MASP1: variants seen among roughly 807,000 people sequenced by gnomAD.
The protein encoded by MASP1 is mannan-binding lectin serine protease 1.
MASP1 carries 59 observed loss-of-function variants against 77.1 expected under a neutral mutation model. The ratio of observed to expected loss-of-function variants is 0.77; its 90% CI spans 0.62 to 0.95. The LOEUF (loss-of-function observed/expected upper bound fraction) is 0.95, where lower values mean the gene tolerates loss of function less well. Ranked by LOEUF, MASP1 falls within the 40% of genes least tolerant of loss-of-function variation. MASP1 has a pLI of 0.00. For missense variants in MASP1, 885 were observed against 912.9 expected (o/e 0.97, Z 0.39); for synonymous variants, 362 against 354.5 (o/e 1.02, Z -0.24).
Position 187,235,931 on chromosome 3 carries a change from A to T in MASP1, c.1940T>A (p.Met647Lys). ...RSGNYSVTEN[M>K]FCAGYYEGGK... ...GCCCTCGTAGTAGCCAGCACAGAAC[A>T]TGTTCTCCGTGACGCTGTAATTGCC... The change falls in exon 11 of 11, where the codon ATG becomes AAG. Residue 647 changes from methionine (M) to lysine (K), a missense_variant. Met to Lys is a moderately conservative substitution (Grantham distance 95). Coordinates refer to ENST00000296280, the MANE Select transcript of MASP1 (RefSeq NM_139125.4). 1 of 1,614,174 alleles carries T rather than the reference A, an allele frequency of 6.2e-7. No homozygotes were observed. Among genetic ancestry groups the T allele is most frequent in the Non-Finnish European group, 8.5e-7 (1 of 1,180,034 alleles).
At chr3:187,257,544 C>G (rs1351031638) in intron 4 of MASP1, among the ~76,000 whole-genome samples, 1 of 152,076 alleles carries the variant, frequency 6.6e-6, no homozygotes. Context: ...GCTATAACAC[C>G]TGGCTGATTT....
intron 1 of MASP1, among the ~76,000 whole-genome samples, chr3:187,288,984 G>T (rs1718080529): frequency 6.6e-6 from 1 of 152,100 alleles, no homozygotes; most frequent in African/African-American, 2.4e-5. Flanking sequence ...CTTGCGTTAG[G>T]GGCTGTAAAT....
chr3:187,236,082 T>C lies in MASP1; in HGVS notation c.1789A>G (p.Asn597Asp), dbSNP rs1713144093. The change falls in exon 11 of 11, where the codon AAT (asparagine) becomes GAT (aspartate). Residue 597 changes from asparagine (N) to aspartate (D), a missense_variant. Physicochemically the swap from Asn to Asp is conservative, Grantham distance 23. Coordinates refer to ENST00000296280, the MANE Select transcript of MASP1 (RefSeq NM_139125.4). ...LGLVAGWGIS[N>D]PNVTVDEIIS... ...ATCTCATCCACTGTCACATTGGGAT[T>C]GGAGATGCCCCAGCCGGCCACCAGG... The C allele has an allele frequency of 5.0e-6, 8 of 1,613,920 alleles. No individual in the cohort carries two copies. Among genetic ancestry groups the C allele is most frequent in the Non-Finnish European group, 6.8e-6 (8 of 1,180,044 alleles).
chr3:187,246,151 G>A (rs762156731), intron 8 of MASP1, among the ~76,000 whole-genome samples: 9 of 152,218 alleles, frequency 5.9e-5, no homozygotes, highest in South Asian at 4.1e-4. Flanking sequence ...AAGTCCTGAT[G>A]AAACACTCCT....
rs710457 is a variant in MASP1, at chr3:187,235,975, A to T, written c.1896T>A (p.Thr632=). Residue 632 remains threonine, a synonymous_variant, in exon 11 of 11, where the codon ACT becomes ACA. Transcript: ENST00000296280. ...LPVVPHAECK[T]SYESRSGNYS... ...AATTGCCCGAGCGGGACTCATAGCT[A>T]GTTTTGCACTCAGCGTGAGGCACCA... The T allele has an allele frequency of 1.1e-5, 17 of 1,614,230 alleles. No homozygotes were observed. Among genetic ancestry groups the T allele is most frequent in the Admixed American group, 1.7e-5 (1 of 60,032 alleles).
intron 4 of MASP1, 86 bp from the exon 5 acceptor site, chr3:187,256,946 A>T (rs369151383): frequency 3.3e-6 from 4 of 1,210,554 alleles, no homozygotes; most frequent in Non-Finnish European, 4.9e-6. Context: ...GATTTTCCCA[A>T]TGGTCCCAAG....
chr3:187,241,909 T>A (rs1190142972), intron 9 of MASP1: 1 of 291,726 alleles, frequency 3.4e-6, no homozygotes, highest in Non-Finnish European at 6.7e-6. Flanking sequence ...GAATCACGAA[T>A]GGCTTGCTGT....
intron 8 of MASP1, chr3:187,244,268 G>C (rs760127433): frequency 6.3e-6 from 1 of 158,116 alleles, no homozygotes; most frequent in African/African-American, 2.4e-5. Flanking sequence ...GTTGATGGCC[G>C]CATGTTTGAG....
intron 2 of MASP1, among the ~76,000 whole-genome samples, chr3:187,274,203 A>AT (rs970679822): frequency 7.9e-5 from 12 of 151,292 alleles, no homozygotes; most frequent in African/African-American, 1.2e-4. Flanking sequence ...GCGAGACTCC[A>AT]TAAAAAAAAA....
chr3:187,289,243 C>T (rs750834453), intron 1 of MASP1, among the ~76,000 whole-genome samples: 14 of 152,120 alleles, frequency 9.2e-5, no homozygotes, highest in Admixed American at 5.2e-4. Context: ...GCGGCATGAA[C>T]GGCACTTGCT....
chr3:187,291,643 TG>T lies in MASP1; in HGVS notation c.-12del. On this transcript the variant is annotated 5_prime_UTR_variant, in exon 1 of 11. Coordinates refer to ENST00000296280, the MANE Select transcript of MASP1 (RefSeq NM_139125.4). ...TGGCACGTACCTCATTTTCCTGCCT[TG>T]GGTGCTCCCGGCTGCCCGGCCTTGG... 1.2e-6 allele frequency: 2 copies of T among 1,614,206 alleles called. No individual in the cohort carries two copies. The highest frequency in any genetic ancestry group is 1.7e-6 in the Non-Finnish European group (2 of 1,180,016).
At chr3:187,281,625 A>C (rs1335013940) in intron 2 of MASP1, among the ~76,000 whole-genome samples, 1 of 152,216 alleles carries the variant, frequency 6.6e-6, no homozygotes, top group East Asian at 1.9e-4. Context: ...GCAGTTATGC[A>C]ACATTGAGAA....
chr3:187,260,136 C>T (rs1715435872), intron 4 of MASP1, among the ~76,000 whole-genome samples: 7 of 152,140 alleles, frequency 4.6e-5, no homozygotes. Flanking sequence ...GCCCATTACC[C>T]CACTAGCCCA....
At chr3:187,247,893 C>G (rs1714232512) in intron 8 of MASP1, among the ~76,000 whole-genome samples, 2 of 152,282 alleles carry the variant, frequency 1.3e-5, no homozygotes, top group Non-Finnish European at 2.9e-5. Flanking sequence ...CTGTGATATC[C>G]CATGGCACAG....
chr3:187,243,662 C>T (rs1383927970), intron 8 of MASP1, 41 bp from the exon 9 acceptor site: 8 of 1,613,066 alleles, frequency 5.0e-6, no homozygotes, highest in Non-Finnish European at 5.9e-6. Context: ...GCCTTTTGCT[C>T]ATCCTCCTTT....
intron 2 of MASP1, among the ~76,000 whole-genome samples, chr3:187,276,998 G>A (rs1382247394): frequency 1.3e-5 from 2 of 152,080 alleles, no homozygotes; most frequent in African/African-American, 4.8e-5. Flanking sequence ...ACTTGGGAGC[G>A]ACTTACCTCT....
chr3:187,250,194 A>G (rs1318096706), intron 8 of MASP1, 57 bp downstream of exon 8: 1 of 1,413,390 alleles, frequency 7.1e-7, no homozygotes, highest in Non-Finnish European at 1.0e-6. Flanking sequence ...CTCTGCTCGG[A>G]TCCCGCCAGT....
In MASP1 at chr3:187,234,483, T is replaced by C. The variant is rs932483546; in HGVS notation, c.*1201A>G. ...CCAGAGACTCAGACAAAGAAAATGATTTTTCAAAGGTTATACAGCCAGTTG... is the reference window on the plus strand; with the variant it reads ...CCAGAGACTCAGACAAAGAAAATGACTTTTCAAAGGTTATACAGCCAGTTG... On this transcript the variant is annotated 3_prime_UTR_variant, in exon 11 of 11. Coordinates refer to ENST00000296280, the MANE Select transcript of MASP1 (RefSeq NM_139125.4). 7.8e-7 allele frequency: 1 copy of C among 1,286,100 alleles called. No homozygotes were observed. The highest frequency in any genetic ancestry group is 1.5e-5 in the African/African-American group (1 of 65,714). The allele number at this position is 1,286,100 out of a possible 1,614,324, so 79.7% of individuals were successfully genotyped here. A position where few individuals can be genotyped will look rare whatever the true frequency, so the allele number is the denominator to read the frequency against.
At chr3:187,281,015 G>A (rs1046932168) in intron 2 of MASP1, among the ~76,000 whole-genome samples, 2 of 152,220 alleles carry the variant, frequency 1.3e-5, no homozygotes, top group Non-Finnish European at 2.9e-5. Context: ...AGGTTAATGA[G>A]TATAGAATGA....
Sources: allele counts gnomAD v4.1 joint callset (sites outside exome capture counted in the v4.1 genomes callset), GRCh38; gene constraint gnomAD v4.1.1; transcripts MANE v1.5; gene names NCBI Gene and HGNC (gene_info 2026-07-23, HGNC 2026-07-21).